The following ADGRG1 variants were observed in gnomAD, a reference collection of about 807,000 sequenced individuals.
The protein encoded by ADGRG1 is 7-transmembrane protein with no EGF-like N-terminal domains-1.
ADGRG1 carries 53 observed loss-of-function variants against 73.5 expected under a neutral mutation model. The ratio of observed to expected loss-of-function variants is 0.72; its 90% CI spans 0.58 to 0.91. The LOEUF is 0.91. Ranked by LOEUF, ADGRG1 falls within the 40% of genes least tolerant of loss-of-function variation. The probability of loss-of-function intolerance (pLI) is 0.00; values close to 1 mark genes in which losing one functional copy is unlikely to be tolerated. For missense variants in ADGRG1, 795 were observed against 871.8 expected, an observed-to-expected ratio of 0.91 and a Z score of 1.11; for synonymous variants, 394 against 374.4, an observed-to-expected ratio of 1.05 and a Z score of -0.60.
intron 1 of ADGRG1, chr16:57,631,665 G>A: frequency 2.0e-6 from 2 of 985,240 alleles, no homozygotes; most frequent in Non-Finnish European, 2.4e-6. Context: ...ACCAGACACA[G>A]CAACTGGGCA....
chr16:57,645,041 A>T (rs770711643), intron 1 of ADGRG1: 2 of 978,992 alleles, frequency 2.0e-6, no homozygotes, highest in Non-Finnish European at 2.4e-6. Flanking sequence ...ACACTCATGC[A>T]CATACACACA....
chr16:57,631,330 G>A (rs73550522), intron 1 of ADGRG1: 38,199 of 985,612 alleles, frequency 0.039, 1,065 homozygotes, highest in African/African-American at 0.13. Flanking sequence ...AGCCGGACTG[G>A]GATGCGGGTT....
intron 1 of ADGRG1, chr16:57,630,521 G>A (rs2037526335): frequency 1.0e-6 from 1 of 985,504 alleles, no homozygotes; most frequent in Non-Finnish European, 1.2e-6. Context: ...GTAGGCCTGG[G>A]GCTTGGCTCC....
chr16:57,658,256 G>A (rs1335805516), intron 10 of ADGRG1, among the ~76,000 whole-genome samples: 3 of 152,222 alleles, frequency 2.0e-5, no homozygotes, highest in Non-Finnish European at 2.9e-5. Context: ...GCCATGCACT[G>A]TTCTAAGTGT....
upstream of ADGRG1, chr16:57,627,892 G>A (rs188829534): frequency 3.1e-6 from 3 of 973,230 alleles, no homozygotes; most frequent in East Asian, 3.4e-4. Context: ...CTCTGTCTGA[G>A]CTTTTGGGGC....
chr16:57,635,939 C>T, intron 1 of ADGRG1: 1 of 985,416 alleles, frequency 1.0e-6, no homozygotes, highest in South Asian at 4.7e-5. Context: ...ATGGTTTGCA[C>T]TTGTACGTGG....
intron 11 of ADGRG1, 138 bp from the exon 12 acceptor site, chr16:57,660,630 C>T (rs2046858793): frequency 1.3e-6 from 2 of 1,516,654 alleles, no homozygotes; most frequent in Non-Finnish European, 8.9e-7. Context: ...GGGGGAACTT[C>T]CCCACCAGAT....
At chr16:57,628,069 C>A (rs1045831123), upstream of ADGRG1, 45 of 985,044 alleles carry the variant, frequency 4.6e-5, no homozygotes, top group South Asian at 7.5e-4. Context: ...GGTCACCCCC[C>A]GGGGGGACGC....
At chr16:57,629,281 AG>A (rs2037053813) in intron 1 of ADGRG1, 6 of 568,130 alleles carry the variant, frequency 1.1e-5, no homozygotes, top group Non-Finnish European at 1.3e-5. Flanking sequence ...CTGGGGCCCA[AG>A]GGGAGCGACA....
At chr16:57,655,594 GA>G in intron 6 of ADGRG1, 64 bp downstream of exon 6, 1 of 1,610,206 alleles carries the variant, frequency 6.2e-7, no homozygotes, top group Non-Finnish European at 8.5e-7. Flanking sequence ...GAGGTGGAAA[GA>G]AGGCACGCAG....
At chr16:57,651,842 T>G (rs1287940183) in intron 3 of ADGRG1, 3 of 1,446,712 alleles carry the variant, frequency 2.1e-6, no homozygotes, top group African/African-American at 1.4e-5. Flanking sequence ...TGTCCCTTGA[T>G]GGTTACTTTG....
At chr16:57,639,945 G>T in intron 1 of ADGRG1, 11 of 775,458 alleles carry the variant, frequency 1.4e-5, no homozygotes, top group Non-Finnish European at 1.7e-5. Flanking sequence ...GTTTAAGACA[G>T]CAGCCTCAAC....
chr16:57,628,501 CCCTCTGA>C, upstream of ADGRG1: 1 of 985,464 alleles, frequency 1.0e-6, no homozygotes, highest in South Asian at 4.7e-5. Flanking sequence ...CTCCTGGTCT[CCCTCTGA>C]GAAATCCATG....
intron 1 of ADGRG1, chr16:57,646,664 T>C: frequency 1.4e-5 from 14 of 985,288 alleles, no homozygotes; most frequent in Non-Finnish European, 1.7e-5. Context: ...GATGTGCATC[T>C]CTGGGGCCTT....
chr16:57,651,158 G>T, intron 2 of ADGRG1, 42 bp from the exon 3 acceptor site: 1 of 1,612,398 alleles, frequency 6.2e-7, no homozygotes, highest in South Asian at 1.1e-5. Context: ...CCTCTGGTCA[G>T]CCCCTGCCAC....
At position 57,650,214 on chromosome 16, in the gene ADGRG1, C is replaced by G. The variant is rs1345035992; in HGVS notation, c.-35-39C>G. The G allele has an allele frequency of 3.8e-6, 6 of 1,563,304 alleles. No individual in the cohort carries two copies. In the Admixed American group the frequency reaches 1.0e-4, roughly 26 times the overall value. ...CTGCAGGGCCAGCCCAACCACCACA[C>G]AGTCCACACTCCCAGCTAACACTCC... On this transcript the variant is annotated intron_variant, in intron 1 of 13. Transcript: ENST00000562631.
At chr16:57,639,982 C>A in intron 1 of ADGRG1, 1 of 370,702 alleles carries the variant, frequency 2.7e-6, no homozygotes, top group Non-Finnish European at 3.7e-6. Context: ...GGGGTGAGAG[C>A]TCCACACCCG....
At chr16:57,643,834 G>A (rs2041495947) in intron 1 of ADGRG1, 1 of 983,428 alleles carries the variant, frequency 1.0e-6, no homozygotes, top group Non-Finnish European at 1.2e-6. Flanking sequence ...GGGAATAGGG[G>A]AGGAGAGTGC....
At chr16:57,639,515 G>A (rs528262601) in intron 1 of ADGRG1, 8 of 985,450 alleles carry the variant, frequency 8.1e-6, no homozygotes, top group East Asian at 1.1e-4. Flanking sequence ...TGGCTGGGGT[G>A]GCCCAGCTTC....
Sources: gnomAD v4.1 joint callset for allele counts (sites outside exome capture counted in the v4.1 genomes callset) on GRCh38, gnomAD v4.1.1 for gene constraint, MANE v1.5 for transcripts, NCBI Gene and HGNC (gene_info 2026-07-23, HGNC 2026-07-21) for gene names.